FZD3: variants seen among roughly 807,000 people sequenced by gnomAD.
FZD3 encodes frizzled class receptor 3.
A neutral mutation model predicts 60.7 loss-of-function variants in FZD3; 30 were observed. The observed-to-expected ratio is 0.49, with a 90% CI of 0.37 to 0.67. The LOEUF is 0.67. Ranked by LOEUF, FZD3 falls within the 30% of genes least tolerant of loss-of-function variation. The pLI is 0.00. For missense variants in FZD3, 605 were observed against 838.7 expected (o/e 0.72, Z 3.44); for synonymous variants, 246 against 275.2 (o/e 0.89, Z 1.05).
intron 3 of FZD3, among the ~76,000 whole-genome samples, chr8:28,513,242 A>C (rs1321730217): frequency 6.6e-6 from 1 of 152,194 alleles, no homozygotes; most frequent in Non-Finnish European, 1.5e-5. Flanking sequence ...TATTAAATAC[A>C]TTGGAATTTG....
intron 7 of FZD3, among the ~76,000 whole-genome samples, chr8:28,558,791 G>A (rs1354867211): frequency 6.6e-6 from 1 of 151,970 alleles, no homozygotes; most frequent in Non-Finnish European, 1.5e-5. Flanking sequence ...CTATGCACGT[G>A]GCATACTGTG....
chr8:28,563,202 T>A lies in FZD3; in HGVS notation c.*191T>A, dbSNP rs1001305296. On this transcript the variant is annotated 3_prime_UTR_variant, in exon 8 of 8. Coordinates refer to ENST00000240093, the MANE Select transcript of FZD3 (RefSeq NM_017412.4). ...TGGAACATCAAGGCATCCAAAACACTAAGAATTCTATCATCACAAAAATAA... is the reference window on the plus strand; with the variant it reads ...TGGAACATCAAGGCATCCAAAACACAAAGAATTCTATCATCACAAAAATAA... 32 of 561,420 alleles carry A rather than the reference T, an allele frequency of 5.7e-5. No homozygotes were observed. The highest frequency in any genetic ancestry group is 9.3e-5 in the Non-Finnish European group (29 of 311,848). The allele number at this position is 561,420 out of a possible 1,614,324, so 34.8% of individuals were successfully genotyped here.
chr8:28,507,583 A>G (rs1804173661), intron 3 of FZD3, among the ~76,000 whole-genome samples: 1 of 152,066 alleles, frequency 6.6e-6, no homozygotes, highest in South Asian at 2.1e-4. Context: ...CCCTTTCTTC[A>G]TTTCTTAGCT....
In FZD3 at chr8:28,563,738, A is replaced by G. The variant is rs932908741; in HGVS notation, c.*727A>G. The G allele has an allele frequency of 1.3e-5, 2 of 152,502 alleles. No individual in the cohort carries two copies. The highest frequency in any genetic ancestry group is 2.1e-4 in the South Asian group (1 of 4,828). 9.4% of individuals were successfully genotyped at this position (152,502 alleles called of 1,614,324 possible). A position where few individuals can be genotyped will look rare whatever the true frequency, so the allele number is the denominator to read the frequency against. On this transcript the variant is annotated 3_prime_UTR_variant, in exon 8 of 8. Coordinates refer to ENST00000240093, the MANE Select transcript of FZD3 (RefSeq NM_017412.4). ...TATTACTTTTTCTGGCTGTGTTTTTATAACTTATCCATATGCATGATGGAA... is the reference window on the plus strand; with the variant it reads ...TATTACTTTTTCTGGCTGTGTTTTTGTAACTTATCCATATGCATGATGGAA...
chr8:28,559,037 A>C (rs1218840313), intron 7 of FZD3, among the ~76,000 whole-genome samples: 1 of 152,238 alleles, frequency 6.6e-6, no homozygotes, highest in East Asian at 1.9e-4. Flanking sequence ...CAGGAAAGAG[A>C]AAGGTCAGAT....
chr8:28,520,854 T>C lies in FZD3; in HGVS notation c.386+20T>C, dbSNP rs780829817. ...CAGTAGGTGCGAAAATCATAGATTT[T>C]CATGGATCATTTCTTATGTTGCAAT... On this transcript the variant is annotated intron_variant, in intron 4 of 7. Transcript: ENST00000240093. The C allele has an allele frequency of 2.7e-6, 4 of 1,463,584 alleles. No individual in the cohort carries two copies. The highest frequency in any genetic ancestry group is 3.7e-6 in the Non-Finnish European group (4 of 1,069,526). 90.7% of individuals were successfully genotyped at this position (1,463,584 alleles called of 1,614,324 possible).
rs189854648 is a variant in FZD3 at position 28,519,212 on chromosome 8, A to G, written c.190-1426A>G. Among the ~76,000 whole-genome samples the G allele has an allele frequency of 1.1e-4, 17 of 152,332 alleles. No individual in the cohort carries two copies. In the East Asian group the frequency reaches 3.3e-3, roughly 29 times the overall value. ...CCTGGTGGTAAGAATATCTCTAACC[A>G]CTTCAAAATCAGCAATGACTCAAAC... On this transcript the variant is annotated intron_variant, in intron 3 of 7. Transcript: ENST00000240093.
intron 5 of FZD3, among the ~76,000 whole-genome samples, chr8:28,546,522 T>C (rs1414009854): frequency 6.6e-6 from 1 of 152,244 alleles, no homozygotes; most frequent in African/African-American, 2.4e-5. Flanking sequence ...TGACCTGTTA[T>C]TTCTTTAGAA....
rs1180516827 is a variant in FZD3, at chr8:28,527,392, T to G, written c.632T>G (p.Ile211Ser). 1 of 1,614,042 alleles carries G rather than the reference T, an allele frequency of 6.2e-7. No individual in the cohort carries two copies. The highest frequency in any genetic ancestry group is 8.5e-7 in the Non-Finnish European group (1 of 1,179,888). Residue 211 changes from isoleucine to serine, a missense_variant, in exon 5 of 8, where the codon ATC (isoleucine) becomes AGC (serine). Ile to Ser is a moderately radical substitution (Grantham distance 142). Transcript: ENST00000240093. This position sits in a 1 kb window ranked among gnomAD's most constrained non-coding sequence, Gnocchi z 5.0. ...CGCTATTTCATAGGATTGATTTCAA[T>G]CATTTGCCTCTCGGCCACATTGTTT... The part of the protein sequence containing the change: ...FARYFIGLIS[I>S]ICLSATLFTF...
At chr8:28,534,049 T>TAG (rs1804947497) in intron 5 of FZD3, among the ~76,000 whole-genome samples, 1 of 152,204 alleles carries the variant, frequency 6.6e-6, no homozygotes, top group Non-Finnish European at 1.5e-5. Flanking sequence ...CCTTTTCAAA[T>TAG]AGATAGTATG....
intron 7 of FZD3, among the ~76,000 whole-genome samples, chr8:28,559,742 C>T (rs1436578504): frequency 6.6e-6 from 1 of 152,218 alleles, no homozygotes; most frequent in Non-Finnish European, 1.5e-5. Context: ...AAAGCCATCT[C>T]ATGGAGATTT....
intron 5 of FZD3, among the ~76,000 whole-genome samples, chr8:28,548,698 CTGTT>C (rs1240261322): frequency 2.6e-5 from 4 of 151,992 alleles, no homozygotes; most frequent in Non-Finnish European, 5.9e-5. Flanking sequence ...CAGGACTTTC[CTGTT>C]TGTTCTTGAT....
intron 5 of FZD3, among the ~76,000 whole-genome samples, chr8:28,531,685 A>G (rs1371819585): frequency 6.6e-6 from 1 of 152,084 alleles, no homozygotes; most frequent in African/African-American, 2.4e-5. Flanking sequence ...TTTCCTTATT[A>G]TACGTAAGGT....
chr8:28,564,465 A>AG lies in FZD3; in HGVS notation c.*1455dup, dbSNP rs1491470998. On this transcript the variant is annotated 3_prime_UTR_variant, in exon 8 of 8. Coordinates refer to ENST00000240093, the MANE Select transcript of FZD3 (RefSeq NM_017412.4). ...CTTAAAAAAAAAAAAAAAAAAAAAA[A>AG]GCGCTCCAGGTGATTCTAATCTGCA... 6.7e-5 allele frequency: 7 copies of AG among 104,056 alleles called. No individual in the cohort carries two copies. In the East Asian group the frequency reaches 1.8e-3, roughly 27 times the overall value. The allele number at this position is 104,056 out of a possible 1,614,324, so 6.4% of individuals were successfully genotyped here.
intron 7 of FZD3, 149 bp from the exon 8 acceptor site, chr8:28,562,649 G>A (rs191053856): frequency 9.6e-6 from 6 of 622,278 alleles, no homozygotes; most frequent in East Asian, 2.7e-5. Flanking sequence ...CAGTGTTAAC[G>A]AAGTTAAGCA....
intron 7 of FZD3, among the ~76,000 whole-genome samples, chr8:28,559,161 C>T (rs866344710): frequency 3.3e-5 from 5 of 152,322 alleles, no homozygotes; most frequent in African/African-American, 7.2e-5. Flanking sequence ...CAGCCACTCT[C>T]ATCTGAATAG....
In FZD3 at chr8:28,564,206, A is replaced by C. The variant is rs1163756794; in HGVS notation, c.*1195A>C. 6.6e-6 allele frequency: 1 copy of C among 152,502 alleles called. No individual in the cohort carries two copies. The highest frequency in any genetic ancestry group is 2.4e-5 in the African/African-American group (1 of 41,446). The allele number at this position is 152,502 out of a possible 1,614,324, so 9.4% of individuals were successfully genotyped here. On this transcript the variant is annotated 3_prime_UTR_variant, in exon 8 of 8. Transcript: ENST00000240093. ...TATGAATATCATTTAATCTTTAAAA[A>C]ATCAAGTAAAAATGTTTATCTGATA...
intron 7 of FZD3, 123 bp from the exon 8 acceptor site, chr8:28,562,675 T>G: frequency 1.5e-6 from 1 of 654,778 alleles, no homozygotes; most frequent in Non-Finnish European, 2.7e-6. Context: ...AAGTTGGTTA[T>G]TACTTTCTCA....
intron 3 of FZD3, among the ~76,000 whole-genome samples, chr8:28,508,023 G>A (rs1804186423): frequency 6.6e-6 from 1 of 151,884 alleles, no homozygotes. Flanking sequence ...TCCAAAGTAG[G>A]TTCTACAGGT....
Sources: allele counts gnomAD v4.1 joint callset (sites outside exome capture counted in the v4.1 genomes callset), GRCh38; gene constraint gnomAD v4.1.1; non-coding constraint Gnocchi (gnomAD v3.1); transcripts MANE v1.5; gene names NCBI Gene and HGNC (gene_info 2026-07-23, HGNC 2026-07-21).